DPY19L2: variants seen among roughly 807,000 people sequenced by gnomAD.
DPY19L2 encodes probable C-mannosyltransferase DPY19L2.
In DPY19L2, 34 loss-of-function variants were observed where a neutral mutation model predicts 97.9. The ratio of observed to expected loss-of-function variants is 0.35; its 90% confidence interval spans 0.26 to 0.46. DPY19L2 has a LOEUF of 0.46. DPY19L2 is among the 20% of genes least tolerant of loss of function. The pLI, the probability that DPY19L2 is intolerant of heterozygous loss-of-function variation, is 1.00. For synonymous variants in DPY19L2, 230 were observed against 307.9 expected, an observed-to-expected ratio of 0.75 and a Z score of 2.65; for missense variants, 623 against 911.4, an observed-to-expected ratio of 0.68 and a Z score of 4.07.
In DPY19L2 at chr12:63,611,387, C is replaced by T. The variant is rs28848801; in HGVS notation, c.1219-2712G>A. ...AGCTAACAAGGTAAAAGTCACAAAG[C>T]CTGGCATCAAAGTAAACATTGCCAA... On this transcript the variant is annotated intron_variant, in intron 11 of 21. Coordinates refer to ENST00000324472, the MANE Select transcript of DPY19L2 (RefSeq NM_173812.5). Among the ~76,000 whole-genome samples, 756 of 151,556 alleles carry T rather than the reference C, an allele frequency of 5.0e-3. 6 individuals are homozygous for T. The highest frequency in any genetic ancestry group is 0.018 in the African/African-American group (731 of 41,266).
intron 21 of DPY19L2, among the ~76,000 whole-genome samples, chr12:63,566,084 C>A (rs1877629154): frequency 6.6e-6 from 1 of 152,054 alleles, no homozygotes. Flanking sequence ...TTAAAATGCA[C>A]CTCTTGCAGG....
chr12:63,584,857 C>T (rs754275936), intron 16 of DPY19L2, among the ~76,000 whole-genome samples: 45 of 152,228 alleles, frequency 3.0e-4, no homozygotes, highest in Non-Finnish European at 4.3e-4. Context: ...CTAAGATCTA[C>T]GGTAAGAACA....
intron 6 of DPY19L2, among the ~76,000 whole-genome samples, chr12:63,631,922 A>G (rs1890763972): frequency 6.6e-6 from 1 of 152,174 alleles, no homozygotes; most frequent in Admixed American, 6.5e-5. Context: ...ACGCAAATCA[A>G]TAAACATAAT....
intron 6 of DPY19L2, among the ~76,000 whole-genome samples, chr12:63,629,603 A>G (rs1761267797): frequency 6.6e-6 from 1 of 152,184 alleles, no homozygotes; most frequent in African/African-American, 2.4e-5. Context: ...GTGTACCTGA[A>G]AGTGATGGGG....
chr12:63,580,567 A>G, intron 19 of DPY19L2, 95 bp downstream of exon 19: 15 of 1,295,502 alleles, frequency 1.2e-5, no homozygotes, highest in Non-Finnish European at 1.6e-5. Flanking sequence ...ACACACATAC[A>G]CACATATATC....
chr12:63,586,972 G>A (rs1881897361), intron 16 of DPY19L2, among the ~76,000 whole-genome samples: 1 of 152,022 alleles, frequency 6.6e-6, no homozygotes. Flanking sequence ...ATATGAAAAT[G>A]GGTTAAATTC....
chr12:63,566,400 T>C (rs892639331), intron 21 of DPY19L2, among the ~76,000 whole-genome samples: 7 of 152,020 alleles, frequency 4.6e-5, no homozygotes, highest in Admixed American at 3.3e-4. Flanking sequence ...AAAGAGAGCA[T>C]TTCCATCACC....
intron 12 of DPY19L2, 140 bp from the exon 13 acceptor site, chr12:63,600,526 A>G: frequency 3.1e-6 from 2 of 646,864 alleles, no homozygotes; most frequent in East Asian, 5.7e-5. Flanking sequence ...GTTCCTTTAG[A>G]AAATCTTGTT....
chr12:63,620,037 C>G, intron 9 of DPY19L2: 1 of 447,420 alleles, frequency 2.2e-6, no homozygotes, highest in South Asian at 1.6e-5. Flanking sequence ...TCTTTGTAGG[C>G]TATTGGCAGC....
rs151194464 is a variant in DPY19L2 at position 63,661,361 on chromosome 12, A to C, written c.571T>G (p.Phe191Val). The C allele has an allele frequency of 2.4e-5, 38 of 1,583,236 alleles. No individual in the cohort carries two copies. Among genetic ancestry groups the C allele is most frequent in the Non-Finnish European group, 3.1e-5 (36 of 1,171,482 alleles). ...TGACTCACCTCTGGATAAAGATGGA[A>C]GCGTTTTATTGCATTAATTATAAGA... ...YPLIINAIKRFHLYPEVIIAS... is the reference protein window; with the variant it reads ...YPLIINAIKRVHLYPEVIIAS... The change falls in exon 4 of 22, where the codon TTC becomes GTC. Residue 191 changes from phenylalanine (F) to valine (V), a missense_variant. Phe to Val is a conservative substitution (Grantham distance 50). Around this residue, in one of 6 missense-constraint regions of DPY19L2, gnomAD observed 84 missense variants for 125.4 expected, o/e 0.67. Transcript: ENST00000324472.
At chr12:63,627,194 T>C (rs1325943980) in intron 6 of DPY19L2, among the ~76,000 whole-genome samples, 1 of 152,164 alleles carries the variant, frequency 6.6e-6, no homozygotes, top group Non-Finnish European at 1.5e-5. Context: ...GACTGAGAGA[T>C]GAAGATGAGA....
intron 16 of DPY19L2, among the ~76,000 whole-genome samples, chr12:63,593,756 A>T (rs1447871419): frequency 6.6e-6 from 1 of 151,994 alleles, no homozygotes; most frequent in Non-Finnish European, 1.5e-5. Flanking sequence ...TAACCTGCAC[A>T]TTGTGCACAT....
At chr12:63,578,109 G>A (rs1207573597) in intron 19 of DPY19L2, among the ~76,000 whole-genome samples, 3 of 152,088 alleles carry the variant, frequency 2.0e-5, no homozygotes, top group African/African-American at 7.2e-5. Context: ...GTGCTATTCA[G>A]CCATAAAAAC....
chr12:63,667,540 C>T (rs2136175383), intron 1 of DPY19L2, among the ~76,000 whole-genome samples: 1 of 152,272 alleles, frequency 6.6e-6, no homozygotes, highest in African/African-American at 2.4e-5. Context: ...CTGAAGGTGA[C>T]CCAGCCTCAT....
chr12:63,663,912 T>C, intron 2 of DPY19L2, 67 bp from the exon 3 acceptor site: 3 of 1,026,902 alleles, frequency 2.9e-6, no homozygotes, highest in Non-Finnish European at 2.9e-6. Flanking sequence ...AAATAAGCAA[T>C]AAGAAAGCCA....
At chr12:63,593,505 T>C (rs1248915816) in intron 16 of DPY19L2, among the ~76,000 whole-genome samples, 19 of 151,978 alleles carry the variant, frequency 1.3e-4, no homozygotes, top group Non-Finnish European at 2.8e-4. Flanking sequence ...ATGGATGAAA[T>C]TGGAAATCAT....
At chr12:63,587,715 GGTGT>G (rs1882047449) in intron 16 of DPY19L2, among the ~76,000 whole-genome samples, 1 of 151,838 alleles carries the variant, frequency 6.6e-6, no homozygotes, top group Admixed American at 6.6e-5. Flanking sequence ...TGCGATTACA[GGTGT>G]GTGCCACCAC....
rs756143815 is a variant in DPY19L2 at position 63,583,779 on chromosome 12, C to A, written c.1605+33G>T. ...TATCCTCAAACTACAATTTAATACA[C>A]AAGTCTACCAGAGATTAAAATGAAA... is the stretch of plus-strand genomic sequence containing the variant. On this transcript the variant is annotated intron_variant, in intron 17 of 21. Coordinates refer to ENST00000324472, the MANE Select transcript of DPY19L2 (RefSeq NM_173812.5). 3.1e-6 allele frequency: 5 copies of A among 1,605,244 alleles called. No homozygotes were observed. The Admixed American group carries it at 5.1e-5, about 16-fold the overall frequency.
At chr12:63,577,981 G>A (rs141762312) in intron 19 of DPY19L2, among the ~76,000 whole-genome samples, 3,591 of 152,134 alleles carry the variant, frequency 0.024, 73 homozygotes, top group Middle Eastern at 0.061. Flanking sequence ...TTTAGAAGAG[G>A]TATCTGCACT....
Sources: allele counts gnomAD v4.1 joint callset (sites outside exome capture counted in the v4.1 genomes callset), GRCh38; gene constraint gnomAD v4.1.1; regional missense constraint gnomAD v4.1.1; transcripts MANE v1.5; gene names NCBI Gene and HGNC (gene_info 2026-07-23, HGNC 2026-07-21).